The following CACNA1A variants were observed in gnomAD, a reference collection of about 807,000 sequenced individuals.
The protein encoded by CACNA1A is voltage-dependent P/Q-type calcium channel subunit alpha-1A.
In CACNA1A, 57 loss-of-function variants were observed where a neutral mutation model predicts 262.4. The observed-to-expected ratio is 0.22, with a 90% CI of 0.18 to 0.27. CACNA1A has a LOEUF of 0.27. CACNA1A is among the 10% of genes least tolerant of loss of function. The probability of loss-of-function intolerance (pLI) is 1.00; values close to 1 mark genes in which losing one functional copy is unlikely to be tolerated. For missense variants in CACNA1A, 2,526 were observed against 3,562.8 expected, an observed-to-expected ratio of 0.71 and a Z score of 7.41; for synonymous variants, 1,431 against 1,419.3, an observed-to-expected ratio of 1.01 and a Z score of -0.18.
intron 1 of CACNA1A, among the ~76,000 whole-genome samples, chr19:13,471,092 C>G (rs1427755864): frequency 6.6e-6 from 1 of 152,170 alleles, no homozygotes; most frequent in Non-Finnish European, 1.5e-5. Flanking sequence ...ACTCCATTCT[C>G]TGCTTCTATT....
At chr19:13,409,396 G>T (rs1206671648) in intron 3 of CACNA1A, among the ~76,000 whole-genome samples, 1 of 151,532 alleles carries the variant, frequency 6.6e-6, no homozygotes, top group East Asian at 1.9e-4. Context: ...GTGTGTGTGT[G>T]TTGTGTGTCT....
At chr19:13,209,557 T>G (rs1053871400) in intron 44 of CACNA1A, 59 bp from the exon 45 acceptor site, 1 of 1,218,480 alleles carries the variant, frequency 8.2e-7, no homozygotes, top group Non-Finnish European at 1.0e-6. Context: ...GTGGTCCCGG[T>G]CCTTCCTGCC....
chr19:13,301,666 G>A (rs2057792455), intron 17 of CACNA1A, among the ~76,000 whole-genome samples: 1 of 152,216 alleles, frequency 6.6e-6, no homozygotes, highest in Non-Finnish European at 1.5e-5. Context: ...AAACAGAAAA[G>A]CCAACAAAGA....
chr19:13,457,632 C>T (rs2061038036), intron 1 of CACNA1A, among the ~76,000 whole-genome samples: 1 of 152,138 alleles, frequency 6.6e-6, no homozygotes, highest in Admixed American at 6.5e-5. Flanking sequence ...AGGCAGATCA[C>T]CTGAGGTTGG....
chr19:13,214,398 C>A lies in CACNA1A; in HGVS notation c.5840-65G>T. 6.4e-7 allele frequency: 1 copy of A among 1,561,580 alleles called. No individual in the cohort carries two copies. Reference sequence around the variant, plus strand: ...TCTTTGGGGCCCTTGTCCTGGGTCCCTGTGTATACCAGCCCAGGCCAACAC... The same window carrying A: ...TCTTTGGGGCCCTTGTCCTGGGTCCATGTGTATACCAGCCCAGGCCAACAC... On this transcript the variant is annotated intron_variant, in intron 39 of 46. Coordinates refer to ENST00000360228, the MANE Select transcript of CACNA1A (RefSeq NM_001127222.2). This position sits in a 1 kb window ranked among gnomAD's most constrained non-coding sequence, Gnocchi z 4.1.
At chr19:13,342,023 C>T (rs887884581) in intron 6 of CACNA1A, among the ~76,000 whole-genome samples, 1 of 152,182 alleles carries the variant, frequency 6.6e-6, no homozygotes, top group Non-Finnish European at 1.5e-5. Flanking sequence ...GCCAAGCTCC[C>T]TCCTGAACTC....
At chr19:13,486,714 A>C (rs557405001) in intron 1 of CACNA1A, among the ~76,000 whole-genome samples, 5 of 151,242 alleles carry the variant, frequency 3.3e-5, no homozygotes, top group Non-Finnish European at 7.4e-5. Flanking sequence ...CTACCTCCAT[A>C]TCTCTCCCTC....
chr19:13,347,104 G>A (rs1195282706), intron 6 of CACNA1A, among the ~76,000 whole-genome samples: 2 of 136,080 alleles, frequency 1.5e-5, no homozygotes, highest in African/African-American at 2.8e-5. Flanking sequence ...TCTGTCATCC[G>A]GGCTGGAGTG....
In CACNA1A at chr19:13,207,761, C is replaced by A. The variant is rs1219924513; in HGVS notation, c.7073G>T (p.Gly2358Val). The change falls in exon 47 of 47, where the codon GGC becomes GTC. Residue 2358 changes from glycine (G) to valine (V), a missense_variant. Gly to Val is a moderately radical substitution (Grantham distance 109). Transcript: ENST00000360228. This position sits in a 1 kb window ranked among gnomAD's most constrained non-coding sequence, Gnocchi z 5.7. ...CCTGGGCGAGCGGCCGCTGCTGTGG[C>A]CCCCCGTGGGCGGCCGATCTCCGGC... ...PLAGDRPPTG[G>V]HSSGRSPRME... 7 of 1,375,494 alleles carry A rather than the reference C, an allele frequency of 5.1e-6. No homozygotes were observed. Among genetic ancestry groups the A allele is most frequent in the Non-Finnish European group, 5.6e-6 (6 of 1,072,564 alleles). The allele number at this position is 1,375,494 out of a possible 1,614,324, so 85.2% of individuals were successfully genotyped here. A position where few individuals can be genotyped will look rare whatever the true frequency, so the allele number is the denominator to read the frequency against.
intron 19 of CACNA1A, among the ~76,000 whole-genome samples, chr19:13,290,211 C>G (rs1048538264): frequency 6.6e-6 from 1 of 151,882 alleles, no homozygotes; most frequent in African/African-American, 2.4e-5. Context: ...GTTAGGATTA[C>G]AGGCGTGAGC....
intron 3 of CACNA1A, among the ~76,000 whole-genome samples, chr19:13,382,882 C>T (rs2059547173): frequency 6.6e-6 from 1 of 152,164 alleles, no homozygotes; most frequent in East Asian, 1.9e-4. Context: ...GTTTGAGGCC[C>T]ATTTTACAGA....
chr19:13,478,475 G>A (rs192328162), intron 1 of CACNA1A, among the ~76,000 whole-genome samples: 103 of 152,134 alleles, frequency 6.8e-4, no homozygotes, highest in Non-Finnish European at 1.1e-3. Context: ...GCATTGCCAC[G>A]TCCAGCCAAT....
chr19:13,402,918 T>G (rs2059935311), intron 3 of CACNA1A, among the ~76,000 whole-genome samples: 1 of 92,542 alleles, frequency 1.1e-5, no homozygotes, highest in Non-Finnish European at 2.3e-5. Flanking sequence ...ATATATATAC[T>G]TGCAAGTGAA....
intron 34 of CACNA1A, 110 bp downstream of exon 34, chr19:13,234,811 G>A: frequency 1.3e-6 from 1 of 761,304 alleles, no homozygotes. Flanking sequence ...GAAGGAGGAG[G>A]GCACGTCTTG....
At chr19:13,457,989 G>A (rs1240257941) in intron 1 of CACNA1A, among the ~76,000 whole-genome samples, 6 of 151,850 alleles carry the variant, frequency 4.0e-5, no homozygotes, top group Non-Finnish European at 7.4e-5. Flanking sequence ...GAAATATCCC[G>A]AACAGGCAAA....
At chr19:13,503,335 G>C (rs1484427247) in intron 1 of CACNA1A, among the ~76,000 whole-genome samples, 3 of 152,112 alleles carry the variant, frequency 2.0e-5, no homozygotes, top group African/African-American at 4.8e-5. Flanking sequence ...ATCGGGACCT[G>C]GGTGCTGGAT....
intron 6 of CACNA1A, among the ~76,000 whole-genome samples, chr19:13,356,478 A>G (rs2059009188): frequency 6.6e-6 from 1 of 152,170 alleles, no homozygotes; most frequent in Non-Finnish European, 1.5e-5. Flanking sequence ...GTGTCCCCAG[A>G]GGTGGCTTAG....
intron 1 of CACNA1A, among the ~76,000 whole-genome samples, chr19:13,497,503 AAAAAAAAAAAAAAAAAAAATATATAT>A (rs1568709348): frequency 2.8e-4 from 11 of 38,800 alleles, no homozygotes; most frequent in African/African-American, 1.1e-3. Context: ...AAAAAAAAAA[AAAAAAAAAAAAAAAAAAAATATATAT>A]ATATATATAT....
chr19:13,448,788 C>T (rs775159474), intron 3 of CACNA1A, among the ~76,000 whole-genome samples: 80 of 152,124 alleles, frequency 5.3e-4, no homozygotes, highest in Admixed American at 2.0e-3. Flanking sequence ...GATAAATACA[C>T]GGCAGCATAC....
Sources: gnomAD v4.1 joint callset for allele counts (sites outside exome capture counted in the v4.1 genomes callset) on GRCh38, gnomAD v4.1.1 for gene constraint, Gnocchi (gnomAD v3.1) non-coding constraint, MANE v1.5 for transcripts, NCBI Gene and HGNC (gene_info 2026-07-23, HGNC 2026-07-21) for gene names.